The following CCDC57 variants were observed in gnomAD, a reference collection of about 807,000 sequenced individuals.
The protein encoded by CCDC57 is coiled-coil domain-containing protein 57.
A neutral mutation model predicts 118.9 loss-of-function variants in CCDC57; 118 were observed. That is an observed-to-expected ratio of 0.99 (90% confidence interval 0.86 to 1.16). The LOEUF (loss-of-function observed/expected upper bound fraction) is 1.16, where lower values mean the gene tolerates loss of function less well. Among genes scored for constraint, CCDC57 ranks in the 50% most tolerant of loss-of-function variants. CCDC57 has a pLI of 0.00. For synonymous variants in CCDC57, 527 were observed against 532.9 expected (o/e 0.99, Z 0.15); for missense variants, 1,300 against 1,320.7 (o/e 0.98, Z 0.24).
At chr17:82,153,335 A>G (rs192373619) in intron 15 of CCDC57, 1 of 152,356 alleles carries the variant, frequency 6.6e-6, no homozygotes, top group East Asian at 1.9e-4. Flanking sequence ...CTGAAGAAAG[A>G]ACAATCCCGA....
chr17:82,147,768 G>A (rs2041011650), intron 16 of CCDC57, among the ~76,000 whole-genome samples: 1 of 120,830 alleles, frequency 8.3e-6, no homozygotes, highest in Non-Finnish European at 1.7e-5. Context: ...GGATGGGTTG[G>A]TGCGTAGATG....
chr17:82,145,692 G>A (rs1281215615), intron 16 of CCDC57, among the ~76,000 whole-genome samples: 1 of 152,228 alleles, frequency 6.6e-6, no homozygotes, highest in Admixed American at 6.5e-5. Flanking sequence ...CCCACTCTGT[G>A]GGCAGAGGGG....
chr17:82,202,757 T>A (rs1021480731), intron 2 of CCDC57, among the ~76,000 whole-genome samples: 4 of 151,682 alleles, frequency 2.6e-5, no homozygotes, highest in Non-Finnish European at 4.4e-5. Flanking sequence ...TCCAAAAAAT[T>A]AAAAAAATAA....
chr17:82,177,146 T>C (rs1244579919), intron 11 of CCDC57, among the ~76,000 whole-genome samples: 1 of 151,238 alleles, frequency 6.6e-6, no homozygotes, highest in Non-Finnish European at 1.5e-5. Flanking sequence ...TTGGGAGGCT[T>C]AGGCAGGCGA....
rs2035420875 is a variant in CCDC57, at chr17:82,113,226, G to A, written c.2900-11360C>T. On this transcript the variant is annotated intron_variant, in intron 19 of 19. Transcript: ENST00000665763. ...AGGTCATGATAATCAGTGAAGGCGG[G>A]GGGCTGGGGTTGTCCGTGCCATTCA... 9.9e-6 allele frequency: 6 copies of A among 603,908 alleles called. No homozygotes were observed. In the East Asian group the frequency reaches 1.7e-4, roughly 17 times the overall value. 37.4% of individuals were successfully genotyped at this position (603,908 alleles called of 1,614,324 possible).
At chr17:82,148,819 GTGGA>G (rs2041373340) in intron 16 of CCDC57, among the ~76,000 whole-genome samples, 1 of 74,772 alleles carries the variant, frequency 1.3e-5, no homozygotes, top group Non-Finnish European at 2.6e-5. Flanking sequence ...GGGTGGGTGG[GTGGA>G]TGGATGGGTG....
At chr17:82,123,118 A>G (rs2036940439) in intron 19 of CCDC57, among the ~76,000 whole-genome samples, 1 of 142,324 alleles carries the variant, frequency 7.0e-6, no homozygotes, top group Non-Finnish European at 1.5e-5. Context: ...TTCCCTCCTA[A>G]TAACTTTTTT....
intron 1 of CCDC57, among the ~76,000 whole-genome samples, chr17:82,210,309 A>C (rs1321339158): frequency 6.6e-6 from 1 of 152,120 alleles, no homozygotes; most frequent in African/African-American, 2.4e-5. Context: ...TCATTTAACA[A>C]ATAGCACATT....
At chr17:82,194,105 T>C in exon 6 of CCDC57, 8 of 1,613,924 alleles carry the variant, frequency 5.0e-6, no homozygotes, top group Non-Finnish European at 6.8e-6. Flanking sequence ...CCCGGCTTCC[T>C]TCAGAGCCTC....
chr17:82,183,334 C>T (rs564206360), intron 9 of CCDC57, among the ~76,000 whole-genome samples: 5 of 152,152 alleles, frequency 3.3e-5, no homozygotes, highest in Middle Eastern at 6.8e-3. Context: ...ACAAGACAGA[C>T]GAGGAGATTC....
chr17:82,126,412 A>G (rs2037443157), intron 19 of CCDC57: 1 of 983,266 alleles, frequency 1.0e-6, no homozygotes, highest in African/African-American at 1.7e-5. Context: ...AAACATTTAA[A>G]TTGTTGTCAC....
exon 10 of CCDC57, chr17:82,179,055 A>G: frequency 1.2e-6 from 2 of 1,613,954 alleles, no homozygotes; most frequent in Non-Finnish European, 1.7e-6. Flanking sequence ...CAGACCCTGA[A>G]TCAGGGCCTC....
At chr17:82,119,708 G>A (rs1270330057) in intron 19 of CCDC57, among the ~76,000 whole-genome samples, 3 of 151,978 alleles carry the variant, frequency 2.0e-5, no homozygotes, top group Non-Finnish European at 4.4e-5. Context: ...GCACCCACAG[G>A]TGCAGACAGG....
chr17:82,137,013 C>CCT (rs1555693196), intron 16 of CCDC57, among the ~76,000 whole-genome samples: 2 of 125,226 alleles, frequency 1.6e-5, no homozygotes, highest in East Asian at 2.3e-4. Flanking sequence ...TGGTGTACTA[C>CCT]TTTTTTTTTT....
At chr17:82,135,892 CTA>C (rs2039088825) in intron 16 of CCDC57, among the ~76,000 whole-genome samples, 1 of 151,792 alleles carries the variant, frequency 6.6e-6, no homozygotes. Context: ...GATCCCACCT[CTA>C]TTTTTAAAAG....
intron 10 of CCDC57, 99 bp from the exon 10 acceptor site, chr17:82,178,704 G>A: frequency 6.7e-7 from 1 of 1,493,412 alleles, no homozygotes; most frequent in Non-Finnish European, 8.9e-7. Context: ...GATGCTCAGA[G>A]CACCAGGCTC....
intron 7 of CCDC57, among the ~76,000 whole-genome samples, chr17:82,193,172 C>T (rs888832846): frequency 6.6e-6 from 1 of 152,208 alleles, no homozygotes; most frequent in African/African-American, 2.4e-5. Flanking sequence ...GATCTTCCTA[C>T]TGCACCTAGT....
At chr17:82,204,795 AG>A (rs1232633687) in intron 2 of CCDC57, among the ~76,000 whole-genome samples, 2 of 151,812 alleles carry the variant, frequency 1.3e-5, no homozygotes, top group Non-Finnish European at 2.9e-5. Flanking sequence ...GAAAAAAAAA[AG>A]GCTTAACCAG....
At chr17:82,122,883 C>T (rs2036906846) in intron 19 of CCDC57, among the ~76,000 whole-genome samples, 1 of 152,198 alleles carries the variant, frequency 6.6e-6, no homozygotes, top group Admixed American at 6.5e-5. Flanking sequence ...AATACGGCCT[C>T]TTTTCACTGC....
Sources: gnomAD v4.1 joint callset for allele counts (sites outside exome capture counted in the v4.1 genomes callset) on GRCh38, gnomAD v4.1.1 for gene constraint, MANE v1.5 for transcripts, NCBI Gene and HGNC (gene_info 2026-07-23, HGNC 2026-07-21) for gene names.